Variants in FAM149A observed in about 807,000 individuals in gnomAD.
The protein encoded by FAM149A is family with sequence similarity 149 member A.
In FAM149A, 71 loss-of-function variants were observed where a neutral mutation model predicts 78.2. The observed-to-expected ratio is 0.91, with a 90% CI of 0.75 to 1.11. The LOEUF is 1.11. Among genes scored for constraint, FAM149A ranks in the 50% least tolerant of loss-of-function variants. The pLI is 0.00. For synonymous variants in FAM149A, 446 were observed against 410.5 expected (o/e 1.09, Z -1.04); for missense variants, 1,036 against 971.0 (o/e 1.07, Z -0.89).
At chr4:186,105,930 C>T (rs946517740) in intron 1 of FAM149A, among the ~76,000 whole-genome samples, 1 of 152,156 alleles carries the variant, frequency 6.6e-6, no homozygotes, top group African/African-American at 2.4e-5. Flanking sequence ...AGCATTGCTA[C>T]TTAGAGTGTT....
At chr4:186,135,557 G>A (rs2099322350) in intron 1 of FAM149A, among the ~76,000 whole-genome samples, 1 of 152,146 alleles carries the variant, frequency 6.6e-6, no homozygotes, top group African/African-American at 2.4e-5. Flanking sequence ...CTTGTCTAAT[G>A]TGTGTTCGTG....
intron 1 of FAM149A, chr4:186,123,102 T>C (rs2099316789): frequency 2.5e-6 from 1 of 399,896 alleles, no homozygotes; most frequent in African/African-American, 2.2e-5. Context: ...CTTTCATTCA[T>C]AGGCCATGCC....
intron 1 of FAM149A, among the ~76,000 whole-genome samples, chr4:186,142,392 G>T (rs78043167): frequency 0.016 from 2,398 of 152,316 alleles, 71 homozygotes; most frequent in African/African-American, 0.055. Context: ...AGACTTCTGA[G>T]CATCTTGAAA....
chr4:186,171,957 T>C lies in FAM149A; in HGVS notation c.2262T>C (p.Thr754=). The change falls in exon 14 of 14, where the codon ACT becomes ACC. Residue 754 remains threonine (T), a synonymous_variant. Transcript: ENST00000389354. ...AATCTTTTCAGAGGACAACTTTGAC[T>C]TTCAAGAGGAGATTCCAAGTGACAT... 6.2e-7 allele frequency: 1 copy of C among 1,612,866 alleles called. No homozygotes were observed. The highest frequency in any genetic ancestry group is 1.3e-5 in the African/African-American group (1 of 75,006).
At chr4:186,163,268 A>T (rs2126529623) in intron 9 of FAM149A, among the ~76,000 whole-genome samples, 156 bp from the exon 10 acceptor site, 1 of 152,302 alleles carries the variant, frequency 6.6e-6, no homozygotes, top group Admixed American at 6.5e-5. Flanking sequence ...TGAAACAGAA[A>T]CAGAAATGAT....
In FAM149A at chr4:186,172,107, A is replaced by C; in HGVS notation, c.*120A>C. 7.2e-7 allele frequency: 1 copy of C among 1,394,608 alleles called. No homozygotes were observed. Among genetic ancestry groups the C allele is most frequent in the Non-Finnish European group, 9.5e-7 (1 of 1,050,166 alleles). The allele number at this position is 1,394,608 out of a possible 1,614,324, so 86.4% of individuals were successfully genotyped here. ...TCTGACAGTGTGAGATGTTAGACCG[A>C]GAGAAAAGCAAACAAATAAATCACT... On this transcript the variant is annotated 3_prime_UTR_variant, in exon 14 of 14. Coordinates refer to ENST00000389354, the MANE Select transcript of FAM149A (RefSeq NM_001367768.3).
At chr4:186,146,893 G>T (rs530936221) in intron 1 of FAM149A, 1 of 985,388 alleles carries the variant, frequency 1.0e-6, no homozygotes, top group African/African-American at 1.7e-5. Context: ...TTTCGTCTTC[G>T]CCGTTTGAGT....
intron 1 of FAM149A, chr4:186,146,564 T>A (rs935751340): frequency 1.1e-6 from 1 of 949,154 alleles, no homozygotes; most frequent in African/African-American, 1.8e-5. Context: ...CCTAGAGGAA[T>A]AAATTATTCA....
Position 186,149,628 on chromosome 4 carries a change from G to T in FAM149A, c.713G>T (p.Trp238Leu). The stretch of plus-strand genomic sequence containing the variant: ...ACACCCACGGGAGCCCACACCTCTT[G>T]GTCTGGGTCGGCCACACAGAGCTCT... The change falls in exon 3 of 14, where the codon TGG becomes TTG. Residue 238 changes from tryptophan to leucine, a missense_variant. Physicochemically the swap from Trp to Leu is moderately conservative, Grantham distance 61. Coordinates refer to ENST00000389354, the MANE Select transcript of FAM149A (RefSeq NM_001367768.3). 1 of 1,289,940 alleles carries T rather than the reference G, an allele frequency of 7.8e-7. No individual in the cohort carries two copies. Among genetic ancestry groups the T allele is most frequent in the Non-Finnish European group, 1.0e-6 (1 of 988,894 alleles). The allele number at this position is 1,289,940 out of a possible 1,614,324, so 79.9% of individuals were successfully genotyped here.
At chr4:186,108,517 A>G (rs1034372177) in intron 1 of FAM149A, among the ~76,000 whole-genome samples, 1 of 152,132 alleles carries the variant, frequency 6.6e-6, no homozygotes, top group Admixed American at 6.5e-5. Context: ...AAGATGCTGA[A>G]TAGCAGCAGG....
intron 1 of FAM149A, chr4:186,124,282 C>CT: frequency 1.1e-6 from 1 of 949,886 alleles, no homozygotes; most frequent in Non-Finnish European, 1.2e-6. Context: ...TTTTATTATA[C>CT]TTTAAGTTTT....
At chr4:186,116,247 TC>T (rs1283466797) in intron 1 of FAM149A, 1 of 149,776 alleles carries the variant, frequency 6.7e-6, no homozygotes, top group Non-Finnish European at 1.4e-5. Flanking sequence ...TCGCCCTGCT[TC>T]GGCTCGCGCA....
At chr4:186,127,706 A>G (rs899425214) in intron 1 of FAM149A, 8 of 841,908 alleles carry the variant, frequency 9.5e-6, no homozygotes, top group Non-Finnish European at 5.2e-6. Flanking sequence ...TGTTTTGGAG[A>G]TAGAGTTATG....
chr4:186,162,818 T>TTC (rs1206596921), intron 8 of FAM149A, 27 bp from the exon 9 acceptor site: 1 of 881,200 alleles, frequency 1.1e-6, no homozygotes, highest in Non-Finnish European at 1.7e-6. Flanking sequence ...TTCTTTTTTT[T>TTC]TTTTTTTTTT....
Position 186,136,976 on chromosome 4 carries a change from T to TCTC in FAM149A, c.567-12197_567-12196insCTC, listed in dbSNP as rs2099323291. On this transcript the variant is annotated intron_variant, in intron 1 of 13. Transcript: ENST00000389354. ...TCTCTCTCTCTCTTTCTCTCTCTCT[T>TCTC]TCTCTCTCTCTCTCTCTCTCTCTCT... Among the ~76,000 whole-genome samples, 67 of 72,120 alleles carry TCTC rather than the reference T, an allele frequency of 9.3e-4. 3 individuals are homozygous for TCTC. The highest frequency in any genetic ancestry group is 1.2e-3 in the African/African-American group (19 of 16,288). The allele number at this position is 72,120 out of a possible 152,430, so 47.3% of individuals were successfully genotyped here.
intron 1 of FAM149A, among the ~76,000 whole-genome samples, chr4:186,106,847 T>A (rs551419977): frequency 1.3e-5 from 2 of 152,134 alleles, no homozygotes; most frequent in African/African-American, 4.8e-5. Context: ...CTCGGAAGGC[T>A]GAGGCAAGAG....
chr4:186,137,305 T>C (rs1406350743), intron 1 of FAM149A, among the ~76,000 whole-genome samples: 1 of 152,088 alleles, frequency 6.6e-6, no homozygotes, highest in East Asian at 1.9e-4. Context: ...CTGAAGGTTT[T>C]GTTCATGTGG....
intron 11 of FAM149A, among the ~76,000 whole-genome samples, chr4:186,165,859 TC>T (rs1734988673): frequency 6.6e-6 from 1 of 152,222 alleles, no homozygotes; most frequent in South Asian, 2.1e-4. Context: ...CTTAGTGTTC[TC>T]TGTAAAAGGG....
intron 10 of FAM149A, among the ~76,000 whole-genome samples, chr4:186,165,086 C>G (rs111793855): frequency 6.6e-6 from 1 of 152,134 alleles, no homozygotes; most frequent in Non-Finnish European, 1.5e-5. Context: ...TCCCTCTGAC[C>G]CCCCCACACA....
Sources: allele counts gnomAD v4.1 joint callset (sites outside exome capture counted in the v4.1 genomes callset), GRCh38; gene constraint gnomAD v4.1.1; transcripts MANE v1.5; gene names NCBI Gene and HGNC (gene_info 2026-07-23, HGNC 2026-07-21).